The following MDFIC2 variants were observed in gnomAD, a reference collection of about 807,000 sequenced individuals.
MDFIC2 encodes the protein MyoD family inhibitor domain containing 2.
intron 2 of MDFIC2, among the ~76,000 whole-genome samples, chr3:70,307,146 A>G (rs896435378): frequency 4.6e-5 from 7 of 152,188 alleles, no homozygotes; most frequent in African/African-American, 1.7e-4. Flanking sequence ...GGGCTGAAAT[A>G]GACCCCAGAG....
chr3:70,218,355 G>A (rs1352602188), intron 2 of MDFIC2, among the ~76,000 whole-genome samples: 1 of 152,130 alleles, frequency 6.6e-6, no homozygotes, highest in Non-Finnish European at 1.5e-5. Context: ...ATATAGGCAT[G>A]CATTAGGTGG....
At chr3:70,292,367 T>C (rs1348952144) in intron 2 of MDFIC2, among the ~76,000 whole-genome samples, 1 of 152,178 alleles carries the variant, frequency 6.6e-6, no homozygotes, top group African/African-American at 2.4e-5. Flanking sequence ...TTGGCCTTGA[T>C]ATCTTCAGCT....
At chr3:70,202,696 C>T (rs940111491) in intron 3 of MDFIC2, among the ~76,000 whole-genome samples, 1 of 152,080 alleles carries the variant, frequency 6.6e-6, no homozygotes, top group Non-Finnish European at 1.5e-5. Context: ...ATGACAAAAA[C>T]CCCTTTGGGC....
chr3:70,227,199 G>A (rs1426249630), intron 2 of MDFIC2, among the ~76,000 whole-genome samples: 1 of 152,132 alleles, frequency 6.6e-6, no homozygotes, highest in South Asian at 2.1e-4. Context: ...GATGGAGGAT[G>A]AATTAGAAAG....
intron 2 of MDFIC2, among the ~76,000 whole-genome samples, chr3:70,209,860 G>C (rs1308778166): frequency 6.6e-6 from 1 of 152,032 alleles, no homozygotes; most frequent in South Asian, 2.1e-4. Flanking sequence ...TCTTTGCAAA[G>C]CAAAACTACC....
At position 70,290,036 on chromosome 3, in the gene MDFIC2, G is replaced by A. The variant is rs370632489; in HGVS notation, c.88+21850C>T. ...TCCCGTAGCTCAGAGTAATTTGATC[G>A]TCTGAAGCCTTCTTCTCTCAGCTCG... On this transcript the variant is annotated intron_variant, in intron 2 of 3. Coordinates refer to ENST00000567252, the MANE Select transcript of MDFIC2 (RefSeq NM_001364677.1). 3.0e-3 allele frequency among the ~76,000 whole-genome samples: 456 copies of A among 152,064 alleles called. 2 individuals carry two copies. Among genetic ancestry groups the A allele is most frequent in the Middle Eastern group, 0.02 (6 of 294 alleles).
rs1275770904 is a variant in MDFIC2, at chr3:70,195,648, C to G, written c.*1278G>C. Among the ~76,000 whole-genome samples, 1 of 152,178 alleles carries G rather than the reference C, an allele frequency of 6.6e-6. No individual in the cohort carries two copies. Among genetic ancestry groups the G allele is most frequent in the East Asian group, 1.9e-4 (1 of 5,190 alleles). On this transcript the variant is annotated 3_prime_UTR_variant, in exon 4 of 4. Transcript: ENST00000567252. ...CACACAAAAAAATTCCCTCAATTCTCCATTTCACTTTTGTGTTCTTTGTTT... is the reference window on the plus strand; with the variant it reads ...CACACAAAAAAATTCCCTCAATTCTGCATTTCACTTTTGTGTTCTTTGTTT...
intron 3 of MDFIC2, chr3:70,204,605 C>T (rs972242847): frequency 2.0e-5 from 3 of 151,922 alleles, no homozygotes; most frequent in African/African-American, 7.3e-5. Context: ...ATTTAATTAT[C>T]TTCATGGATC....
At chr3:70,211,889 C>T (rs1701354487) in intron 2 of MDFIC2, among the ~76,000 whole-genome samples, 1 of 148,808 alleles carries the variant, frequency 6.7e-6, no homozygotes, top group Non-Finnish European at 1.5e-5. Flanking sequence ...TTCTTCCCTT[C>T]CCTTTGTCCT....
chr3:70,272,087 TAAC>T (rs1701981168), intron 2 of MDFIC2: 1 of 152,292 alleles, frequency 6.6e-6, no homozygotes, highest in African/African-American at 2.4e-5. Flanking sequence ...TTTAAGGAAA[TAAC>T]AACAATCCCC....
chr3:70,266,066 C>G (rs544591514), intron 2 of MDFIC2, among the ~76,000 whole-genome samples: 1 of 152,204 alleles, frequency 6.6e-6, no homozygotes, highest in African/African-American at 2.4e-5. Context: ...AATGAGAAAT[C>G]TCTTTGTCTT....
chr3:70,201,800 C>T (rs1701242608), intron 3 of MDFIC2, among the ~76,000 whole-genome samples: 2 of 152,174 alleles, frequency 1.3e-5, no homozygotes, highest in South Asian at 4.1e-4. Flanking sequence ...TTGCCCTCCT[C>T]TGTGCTGGAT....
chr3:70,297,361 C>A (rs116007928), intron 2 of MDFIC2, among the ~76,000 whole-genome samples: 232 of 152,100 alleles, frequency 1.5e-3, no homozygotes, highest in African/African-American at 5.3e-3. Context: ...ACAAAAAGAA[C>A]TGGATATCTT....
At chr3:70,290,201 T>C (rs9820990) in intron 2 of MDFIC2, among the ~76,000 whole-genome samples, 31,679 of 152,048 alleles carry the variant, frequency 0.21, 3,496 homozygotes, top group South Asian at 0.28. Context: ...TTATCTACTT[T>C]TGGTCTTTGA....
intron 2 of MDFIC2, among the ~76,000 whole-genome samples, chr3:70,208,993 C>T (rs919261106): frequency 6.6e-6 from 1 of 151,942 alleles, no homozygotes; most frequent in African/African-American, 2.4e-5. Flanking sequence ...TGGAATCAGC[C>T]CTACAGATGA....
chr3:70,293,649 A>G (rs974389064), intron 2 of MDFIC2, among the ~76,000 whole-genome samples: 3 of 152,078 alleles, frequency 2.0e-5, no homozygotes, highest in African/African-American at 7.2e-5. Context: ...ATTTTTTTGT[A>G]GGCCTGTTCC....
intron 2 of MDFIC2, chr3:70,249,258 A>G (rs1701736950): frequency 6.6e-6 from 1 of 152,124 alleles, no homozygotes; most frequent in South Asian, 2.1e-4. Context: ...AAGGGACAGA[A>G]CTGGATTCAT....
chr3:70,230,302 C>T (rs1367343954), intron 2 of MDFIC2, among the ~76,000 whole-genome samples: 1 of 152,132 alleles, frequency 6.6e-6, no homozygotes, highest in Non-Finnish European at 1.5e-5. Flanking sequence ...TGTAGACAAA[C>T]ATAGGAGATT....
At position 70,301,755 on chromosome 3, in the gene MDFIC2, C is replaced by A. The variant is rs994215814; in HGVS notation, c.88+10131G>T. ...TCTCAAGAAGATTTATTTATATAAA[C>A]TTTTCATATTTTATGGAATTTATAT... On this transcript the variant is annotated intron_variant, in intron 2 of 3. Coordinates refer to ENST00000567252, the MANE Select transcript of MDFIC2 (RefSeq NM_001364677.1). Among the ~76,000 whole-genome samples the A allele has an allele frequency of 8.6e-5, 13 of 152,032 alleles. No individual in the cohort carries two copies. The South Asian group carries it at 2.3e-3, about 27-fold the overall frequency.
Sources: allele counts gnomAD v4.1 joint callset (sites outside exome capture counted in the v4.1 genomes callset), GRCh38; gene constraint gnomAD v4.1.1; transcripts MANE v1.5; gene names NCBI Gene and HGNC (gene_info 2026-07-23, HGNC 2026-07-21).